FARS2: variants seen among roughly 807,000 people sequenced by gnomAD.
The protein encoded by FARS2 is phenylalanine--tRNA ligase, mitochondrial.
A neutral mutation model predicts 46.4 loss-of-function variants in FARS2; 40 were observed. That is an observed-to-expected ratio of 0.86 (90% CI 0.67 to 1.12). The LOEUF (loss-of-function observed/expected upper bound fraction) is 1.12. Ranked by LOEUF, FARS2 falls within the 50% of genes most tolerant of loss-of-function variation. FARS2 has a pLI of 0.00. For synonymous variants in FARS2, 234 were observed against 214.9 expected (o/e 1.09, Z -0.78); for missense variants, 513 against 567.9 (o/e 0.90, Z 0.98).
chr6:5,331,103 TAAA>T (rs11362298), intron 1 of FARS2, among the ~76,000 whole-genome samples: 15 of 132,898 alleles, frequency 1.1e-4, no homozygotes, highest in Non-Finnish European at 1.3e-4. Context: ...AAACTCCGTT[TAAA>T]AAAAAAAAAA....
At chr6:5,650,742 G>A (rs1777317188) in intron 6 of FARS2, among the ~76,000 whole-genome samples, 1 of 152,172 alleles carries the variant, frequency 6.6e-6, no homozygotes, top group East Asian at 1.9e-4. Context: ...CTCCCAAAGT[G>A]CTGGGATTAC....
At chr6:5,400,680 G>T (rs1761205193) in intron 2 of FARS2, among the ~76,000 whole-genome samples, 1 of 151,586 alleles carries the variant, frequency 6.6e-6, no homozygotes, top group Non-Finnish European at 1.5e-5. Flanking sequence ...ATACACACAT[G>T]ATTTCATTTC....
intron 6 of FARS2, among the ~76,000 whole-genome samples, chr6:5,696,511 C>T (rs1758113133): frequency 6.6e-6 from 1 of 151,846 alleles, no homozygotes; most frequent in East Asian, 1.9e-4. Flanking sequence ...TAGGTATGGC[C>T]CCTCAAGTAG....
At chr6:5,756,601 C>G (rs761309263) in intron 6 of FARS2, among the ~76,000 whole-genome samples, 7 of 152,192 alleles carry the variant, frequency 4.6e-5, no homozygotes, top group African/African-American at 9.7e-5. Flanking sequence ...TTTTTCCCAT[C>G]ATCCAATCAC....
intron 6 of FARS2, among the ~76,000 whole-genome samples, chr6:5,629,035 G>C (rs1441174568): frequency 6.6e-6 from 1 of 152,212 alleles, no homozygotes; most frequent in Non-Finnish European, 1.5e-5. Context: ...ACTGAAAATG[G>C]CTTTTTTCCT....
intron 5 of FARS2, among the ~76,000 whole-genome samples, chr6:5,580,678 T>C (rs748890830): frequency 6.6e-6 from 1 of 152,112 alleles, no homozygotes; most frequent in Non-Finnish European, 1.5e-5. Context: ...GCAGGGATAG[T>C]GCTAGGCAGT....
chr6:5,465,620 A>G (rs1047176555), intron 4 of FARS2, among the ~76,000 whole-genome samples: 4 of 151,946 alleles, frequency 2.6e-5, no homozygotes, highest in Non-Finnish European at 5.9e-5. Context: ...CTAATTCTCA[A>G]CCCAGTGTTA....
intron 4 of FARS2, among the ~76,000 whole-genome samples, chr6:5,464,431 A>G (rs890508391): frequency 7.2e-5 from 11 of 152,206 alleles, no homozygotes; most frequent in African/African-American, 2.7e-4. Context: ...CTTCTAGCTT[A>G]TTCCAGGTCT....
intron 6 of FARS2, among the ~76,000 whole-genome samples, chr6:5,759,214 T>C (rs992931709): frequency 2.0e-5 from 3 of 152,194 alleles, no homozygotes; most frequent in Admixed American, 6.5e-5. Flanking sequence ...CCACCCGCTC[T>C]CACTTTCTTT....
intron 1 of FARS2, among the ~76,000 whole-genome samples, chr6:5,330,235 T>A (rs1031636059): frequency 1.3e-5 from 2 of 151,938 alleles, no homozygotes; most frequent in Admixed American, 6.6e-5. Context: ...AGTCAGCAAA[T>A]ATATATATAT....
chr6:5,680,537 C>A (rs559716400), intron 6 of FARS2, among the ~76,000 whole-genome samples: 1 of 152,196 alleles, frequency 6.6e-6, no homozygotes. Flanking sequence ...GCTGCCCCAT[C>A]GGTCCTGCCA....
intron 2 of FARS2, among the ~76,000 whole-genome samples, chr6:5,399,802 C>T (rs1262226879): frequency 6.6e-6 from 1 of 152,114 alleles, no homozygotes; most frequent in Non-Finnish European, 1.5e-5. Flanking sequence ...CCAGAGAGAT[C>T]TTCCTCGTTC....
chr6:5,544,755 A>G (rs1770857417), intron 4 of FARS2, among the ~76,000 whole-genome samples: 1 of 152,222 alleles, frequency 6.6e-6, no homozygotes, highest in Non-Finnish European at 1.5e-5. Context: ...TGTTATGGCC[A>G]CTATGGCATG....
chr6:5,752,503 C>T (rs1196626668), intron 6 of FARS2, among the ~76,000 whole-genome samples: 3 of 152,188 alleles, frequency 2.0e-5, no homozygotes, highest in Non-Finnish European at 4.4e-5. Context: ...ATGGCTATAG[C>T]AAAGTCTCGC....
At chr6:5,572,299 G>A (rs1343110339) in intron 5 of FARS2, among the ~76,000 whole-genome samples, 2 of 152,094 alleles carry the variant, frequency 1.3e-5, no homozygotes, top group African/African-American at 4.8e-5. Context: ...GCAAGTGAGA[G>A]AGACAGTTGG....
chr6:5,283,327 T>G (rs1480783253), intron 1 of FARS2, among the ~76,000 whole-genome samples: 1 of 149,052 alleles, frequency 6.7e-6, no homozygotes, highest in South Asian at 2.1e-4. Flanking sequence ...GAGCTGAGAT[T>G]GTGCCATTTC....
upstream of FARS2, among the ~76,000 whole-genome samples, chr6:5,256,953 CA>C (rs565091896): frequency 1.4e-4 from 21 of 152,122 alleles, no homozygotes; most frequent in Non-Finnish European, 2.9e-4. Context: ...CCAGTTCCAA[CA>C]ATTTTCCCTT....
chr6:5,761,881 T>A (rs562879485), intron 6 of FARS2, among the ~76,000 whole-genome samples: 2 of 151,158 alleles, frequency 1.3e-5, no homozygotes, highest in African/African-American at 4.9e-5. Flanking sequence ...AATGAAATCA[T>A]GAAGATGCTC....
At chr6:5,723,969 G>A (rs1027446063) in intron 6 of FARS2, among the ~76,000 whole-genome samples, 2 of 152,160 alleles carry the variant, frequency 1.3e-5, no homozygotes, top group Admixed American at 6.5e-5. Flanking sequence ...GCAGAGCGGT[G>A]GCCACGCTGG....
Sources: gnomAD v4.1 joint callset for allele counts (sites outside exome capture counted in the v4.1 genomes callset) on GRCh38, gnomAD v4.1.1 for gene constraint, MANE v1.5 for transcripts, NCBI Gene and HGNC (gene_info 2026-07-23, HGNC 2026-07-21) for gene names.